The following MYO7B variants were observed in gnomAD, a reference collection of about 807,000 sequenced individuals.
MYO7B encodes unconventional myosin-VIIb.
In MYO7B, 212 loss-of-function variants were observed where a neutral mutation model predicts 259.7. That is an observed-to-expected ratio of 0.82 (90% CI 0.73 to 0.91). The LOEUF (loss-of-function observed/expected upper bound fraction) is 0.91. Ranked by LOEUF, MYO7B falls within the 40% of genes least tolerant of loss-of-function variation. The pLI, the probability that MYO7B is intolerant of heterozygous loss-of-function variation, is 0.00. For synonymous variants in MYO7B, 1,197 were observed against 1,166.4 expected (o/e 1.03, Z -0.54); for missense variants, 2,732 against 2,813.5 (o/e 0.97, Z 0.66).
At chr2:127,568,891 C>T (rs1678469214) in intron 5 of MYO7B, among the ~76,000 whole-genome samples, 7 of 147,742 alleles carry the variant, frequency 4.7e-5, no homozygotes, top group Admixed American at 4.1e-4. Flanking sequence ...AACAGCAAGA[C>T]TCCGTCTCAA....
rs766055117 is a variant in MYO7B, at chr2:127,635,741, G to A, written c.5840G>A (p.Arg1947His). ...ACCCAGGAGCTGCCCAAGTACCTGC[G>A]CGGATTCCACAAGTGTTCGCGGGAG... ...HYHQELPKYL[R>H]GFHKCSREDA... Residue 1947 changes from arginine to histidine, a missense_variant, in exon 44 of 48, where the codon CGC becomes CAC. Around this residue, in one of 3 missense-constraint regions of MYO7B, gnomAD observed 821 missense variants for 769.3 expected, o/e 1.07. Transcript: ENST00000409816. 1.9e-5 allele frequency: 30 copies of A among 1,603,762 alleles called. No homozygotes were observed. Among genetic ancestry groups the A allele is most frequent in the South Asian group, 4.5e-5 (4 of 88,964 alleles).
Position 127,576,156 on chromosome 2 carries a change from A to C in MYO7B, c.736-439A>C, listed in dbSNP as rs1398355223. ...CGAGGCTACAGTGGGCTGAGATTGC[A>C]CCACTGCACTCTAGCTTGGGTGACA... On this transcript the variant is annotated intron_variant, in intron 7 of 47. Coordinates refer to ENST00000409816, the MANE Select transcript of MYO7B (RefSeq NM_001393586.1). The surrounding 1 kb of genome is among the most constrained non-coding windows in gnomAD (Gnocchi z 4.9). Among the ~76,000 whole-genome samples the C allele has an allele frequency of 2.0e-5, 3 of 151,688 alleles. No homozygotes were observed. The highest frequency in any genetic ancestry group is 4.4e-5 in the Non-Finnish European group (3 of 67,932).
chr2:127,574,011 G>C lies in MYO7B; in HGVS notation c.684G>C (p.Glu228Asp). 6.2e-7 allele frequency: 1 copy of C among 1,614,036 alleles called. No individual in the cohort carries two copies. Among genetic ancestry groups the C allele is most frequent in the Non-Finnish European group, 8.5e-7 (1 of 1,179,894 alleles). Reference sequence around the variant, plus strand: ...ACTTTAACCCCAGCGGGGTGATCGAGGGCGCGCGCATCGAGCAATTTCTCC... The same window carrying C: ...ACTTTAACCCCAGCGGGGTGATCGACGGCGCGCGCATCGAGCAATTTCTCC... The part of the protein sequence containing the change: ...DIYFNPSGVI[E>D]GARIEQFLLE... Residue 228 changes from glutamate (E) to aspartate (D), a missense_variant, in exon 7 of 48, where the codon GAG (glutamate) becomes GAC (aspartate). Physicochemically the swap from Glu to Asp is conservative, Grantham distance 45. Transcript: ENST00000409816.
rs1303725114 is a variant in MYO7B at position 127,614,406 on chromosome 2, C to T, written c.3398+1803C>T. Among the ~76,000 whole-genome samples, 2 of 152,132 alleles carry T rather than the reference C, an allele frequency of 1.3e-5. No individual in the cohort carries two copies. The highest frequency in any genetic ancestry group is 1.3e-4 in the Admixed American group (2 of 15,278). ...CTTTTGGTCAGCAGGAAGCTCATGC[C>T]TGCCCAACCATACAGTACATGTACA... On this transcript the variant is annotated intron_variant, in intron 26 of 47. Coordinates refer to ENST00000409816, the MANE Select transcript of MYO7B (RefSeq NM_001393586.1). This position sits in a 1 kb window ranked among gnomAD's most constrained non-coding sequence, Gnocchi z 4.6.
chr2:127,600,093 T>G (rs1490713508), intron 19 of MYO7B, among the ~76,000 whole-genome samples: 3 of 152,210 alleles, frequency 2.0e-5, no homozygotes, highest in Non-Finnish European at 4.4e-5. Context: ...CTTTAAATGT[T>G]TGGCAAAAGT....
chr2:127,587,144 C>T (rs147714382), intron 14 of MYO7B, among the ~76,000 whole-genome samples: 30 of 152,258 alleles, frequency 2.0e-4, no homozygotes, highest in Non-Finnish European at 3.4e-4. Context: ...AAGTCAGGGT[C>T]GTGCCCTTGG....
Position 127,631,626 on chromosome 2 carries a change from CCTT to C in MYO7B, c.5125_5127del (p.Ser1709del), listed in dbSNP as rs759427705. The stretch of plus-strand genomic sequence containing the variant: ...CATCCTCCGGTACATGGGCGACTAC[CCTT>C]CTCGGCAGGCCTGGCCCACCCTGGA... On this transcript the variant is annotated inframe_deletion, in exon 38 of 48. Transcript: ENST00000409816. 12 of 1,613,212 alleles carry C rather than the reference CCTT, an allele frequency of 7.4e-6. No individual in the cohort carries two copies. In the South Asian group the frequency reaches 1.2e-4, roughly 16 times the overall value.
Position 127,588,374 on chromosome 2 carries a change from G to A in MYO7B, c.1691-18G>A, listed in dbSNP as rs1177842489. 1.2e-6 allele frequency: 2 copies of A among 1,611,064 alleles called. No homozygotes were observed. The highest frequency in any genetic ancestry group is 2.2e-5 in the East Asian group (1 of 44,882). ...GATGGCTAAGCTGGGATGCTGGGTG[G>A]GCCCTGTGTCTCCACAGGCTTCCTG... On this transcript the variant is annotated intron_variant, in intron 14 of 47. Coordinates refer to ENST00000409816, the MANE Select transcript of MYO7B (RefSeq NM_001393586.1).
chr2:127,571,859 C>T (rs546247740), intron 6 of MYO7B, among the ~76,000 whole-genome samples: 2 of 151,986 alleles, frequency 1.3e-5, no homozygotes, highest in Middle Eastern at 3.2e-3. Flanking sequence ...ATATTGTGTC[C>T]GAGTTTGTGG....
intron 24 of MYO7B, among the ~76,000 whole-genome samples, chr2:127,610,629 A>C (rs906962026): frequency 6.6e-6 from 1 of 152,242 alleles, no homozygotes; most frequent in Non-Finnish European, 1.5e-5. Context: ...ATGTTAGTGG[A>C]ACTAACCAAG....
chr2:127,600,290 A>G (rs1455252728), intron 19 of MYO7B, among the ~76,000 whole-genome samples: 2 of 152,240 alleles, frequency 1.3e-5, no homozygotes, highest in Non-Finnish European at 2.9e-5. Context: ...CAATTTGTTC[A>G]TAATATTCCC....
At chr2:127,587,492 T>G (rs1339304769) in intron 14 of MYO7B, among the ~76,000 whole-genome samples, 1 of 152,114 alleles carries the variant, frequency 6.6e-6, no homozygotes, top group Non-Finnish European at 1.5e-5. Flanking sequence ...GATGGCCGTC[T>G]TCTCTCTGTG....
rs191854336 is a variant in MYO7B, at chr2:127,633,674, G to T, written c.5511+311G>T. ...CCCTAGGGGCTTCTGACCATCTGGGGTGCAGGAGAGCAGGTATTCCCACTG... is the reference window on the plus strand; with the variant it reads ...CCCTAGGGGCTTCTGACCATCTGGGTTGCAGGAGAGCAGGTATTCCCACTG... On this transcript the variant is annotated intron_variant, in intron 40 of 47. Transcript: ENST00000409816. Among the ~76,000 whole-genome samples, 370 of 152,294 alleles carry T rather than the reference G, an allele frequency of 2.4e-3. 3 individuals carry two copies. The highest frequency in any genetic ancestry group is 8.1e-3 in the African/African-American group (335 of 41,572).
rs1678956318 is a variant in MYO7B at position 127,578,215 on chromosome 2, C to T, written c.932C>T (p.Ser311Phe). ...IRSAMKILQFSDSESWDVIKL... is the reference protein window; with the variant it reads ...IRSAMKILQFFDSESWDVIKL... ...TCGGCCATGAAGATCCTCCAGTTCTCCGACTCCGAGAGCTGGGACGTCATC... is the reference window on the plus strand; with the variant it reads ...TCGGCCATGAAGATCCTCCAGTTCTTCGACTCCGAGAGCTGGGACGTCATC... The change falls in exon 9 of 48, where the codon TCC becomes TTC. Residue 311 changes from serine to phenylalanine, a missense_variant. Ser to Phe is a radical substitution (Grantham distance 155, BLOSUM62 -2). Transcript: ENST00000409816. The T allele has an allele frequency of 5.6e-6, 9 of 1,613,832 alleles. No homozygotes were observed. The East Asian group carries it at 2.0e-4, about 36-fold the overall frequency.
In MYO7B at chr2:127,636,392, C is replaced by G; in HGVS notation, c.6123+68C>G. The G allele has an allele frequency of 6.7e-7, 1 of 1,486,374 alleles. No individual in the cohort carries two copies. Among genetic ancestry groups the G allele is most frequent in the Non-Finnish European group, 9.3e-7 (1 of 1,069,708 alleles). The allele number at this position is 1,486,374 out of a possible 1,614,324, so 92.1% of individuals were successfully genotyped here. A position where few individuals can be genotyped will look rare whatever the true frequency, so the allele number is the denominator to read the frequency against. On this transcript the variant is annotated intron_variant, in intron 45 of 47. Coordinates refer to ENST00000409816, the MANE Select transcript of MYO7B (RefSeq NM_001393586.1). This position sits in a 1 kb window ranked among gnomAD's most constrained non-coding sequence, Gnocchi z 4.5. ...CCGCTCAGCCCAGCCCCAGCAGGCCCAGCGTCAACCAGCACACATCTTGGG... is the reference window on the plus strand; with the variant it reads ...CCGCTCAGCCCAGCCCCAGCAGGCCGAGCGTCAACCAGCACACATCTTGGG...
In MYO7B at chr2:127,576,920, G is replaced by A. The variant is rs1223854765; in HGVS notation, c.849+212G>A. ...CGCTTCCCCGTCACATGTACCCCAT[G>A]CCCCAGGCTGGACCCGGGGCCTCCC... On this transcript the variant is annotated intron_variant, in intron 8 of 47. Transcript: ENST00000409816. This position sits in a 1 kb window ranked among gnomAD's most constrained non-coding sequence, Gnocchi z 4.9. 1.3e-5 allele frequency among the ~76,000 whole-genome samples: 2 copies of A among 152,034 alleles called. No individual in the cohort carries two copies. The highest frequency in any genetic ancestry group is 4.8e-5 in the African/African-American group (2 of 41,402).
chr2:127,566,650 C>A lies in MYO7B; in HGVS notation c.293C>A (p.Thr98Lys). Residue 98 changes from threonine to lysine, a missense_variant, in exon 5 of 48, where the codon ACA (threonine) becomes AAA (lysine). Around this residue, in one of 3 missense-constraint regions of MYO7B, gnomAD observed 1,906 missense variants for 2,026.4 expected, o/e 0.94. Coordinates refer to ENST00000409816, the MANE Select transcript of MYO7B (RefSeq NM_001393586.1). ...CACCTGCTTCCTTCCCAGACATACACAGGCTCCATCCTGGTGGCCGTCAAC... is the reference window on the plus strand; with the variant it reads ...CACCTGCTTCCTTCCCAGACATACAAAGGCTCCATCCTGGTGGCCGTCAAC... Reference protein sequence around the residue: ...RYQQHKIYTYTGSILVAVNPF... With the variant: ...RYQQHKIYTYKGSILVAVNPF... The A allele has an allele frequency of 6.3e-7, 1 of 1,585,784 alleles. No homozygotes were observed. The highest frequency in any genetic ancestry group is 8.6e-7 in the Non-Finnish European group (1 of 1,167,270).
At position 127,637,627 on chromosome 2, in the gene MYO7B, T is replaced by C. The variant is rs1440352121; in HGVS notation, c.*210T>C. The C allele has an allele frequency of 2.2e-6, 1 of 457,516 alleles. No individual in the cohort carries two copies. Among genetic ancestry groups the C allele is most frequent in the Non-Finnish European group, 3.8e-6 (1 of 260,018 alleles). The allele number at this position is 457,516 out of a possible 1,614,324, so 28.3% of individuals were successfully genotyped here. ...GACGGGCCCAGAATGGGGTCGGGAGTCTCGGACCCCCAGGCTATTGGTGGA... is the reference window on the plus strand; with the variant it reads ...GACGGGCCCAGAATGGGGTCGGGAGCCTCGGACCCCCAGGCTATTGGTGGA... On this transcript the variant is annotated 3_prime_UTR_variant, in exon 48 of 48. Transcript: ENST00000409816.
rs576183621 is a variant in MYO7B at position 127,576,833 on chromosome 2, G to A, written c.849+125G>A. ...TGGCCGGGCCCCTGAGGCGGGGCTGGTTCCCTTTGCCTCTCCTCGCCAGCC... is the reference window on the plus strand; with the variant it reads ...TGGCCGGGCCCCTGAGGCGGGGCTGATTCCCTTTGCCTCTCCTCGCCAGCC... On this transcript the variant is annotated intron_variant, in intron 8 of 47. Coordinates refer to ENST00000409816, the MANE Select transcript of MYO7B (RefSeq NM_001393586.1). This position sits in a 1 kb window ranked among gnomAD's most constrained non-coding sequence, Gnocchi z 4.9. The A allele has an allele frequency of 8.1e-5, 53 of 651,162 alleles. No homozygotes were observed. The highest frequency in any genetic ancestry group is 2.4e-4 in the Admixed American group (8 of 32,852). 40.3% of individuals were successfully genotyped at this position (651,162 alleles called of 1,614,324 possible).
Sources: gnomAD v4.1 joint callset for allele counts (sites outside exome capture counted in the v4.1 genomes callset) on GRCh38, gnomAD v4.1.1 for gene constraint, gnomAD v4.1.1 regional missense constraint, Gnocchi (gnomAD v3.1) non-coding constraint, MANE v1.5 for transcripts, NCBI Gene and HGNC (gene_info 2026-07-23, HGNC 2026-07-21) for gene names.